CRTC1: variants seen among roughly 807,000 people sequenced by gnomAD.
CRTC1 encodes the protein CREB regulated transcription coactivator 1.
CRTC1 carries 18 observed loss-of-function variants against 66.1 expected under a neutral mutation model. The ratio of observed to expected loss-of-function variants is 0.27; its 90% CI spans 0.19 to 0.40. The LOEUF is 0.40. CRTC1 is among the 10% of genes least tolerant of loss of function. CRTC1 has a pLI of 1.00. For synonymous variants in CRTC1, 416 were observed against 398.8 expected, an observed-to-expected ratio of 1.04 and a Z score of -0.51; for missense variants, 669 against 887.9, an observed-to-expected ratio of 0.75 and a Z score of 3.13.
chr19:18,722,225 G>C (rs926934011), intron 1 of CRTC1, among the ~76,000 whole-genome samples: 1 of 152,206 alleles, frequency 6.6e-6, no homozygotes, highest in Non-Finnish European at 1.5e-5. Context: ...TTATCAACTT[G>C]TCTGGGGCCC....
intron 9 of CRTC1, among the ~76,000 whole-genome samples, chr19:18,767,806 G>A (rs1297164025): frequency 2.6e-5 from 4 of 152,180 alleles, no homozygotes; most frequent in Non-Finnish European, 4.4e-5. Flanking sequence ...CTCAGAGGCC[G>A]GGCATCCTGC....
rs117372971 is a variant in CRTC1 at position 18,760,347 on chromosome 19, G to C, written c.886+119G>C. On this transcript the variant is annotated intron_variant, in intron 8 of 13. Coordinates refer to ENST00000321949, the MANE Select transcript of CRTC1 (RefSeq NM_015321.3). The surrounding 1 kb of genome is among the most constrained non-coding windows in gnomAD (Gnocchi z 6.2). ...TACTAGGGCATGGGGGACAGGGCTGGGGGGCGGCCGACAGGCTGACCCAGC... is the reference window on the plus strand; with the variant it reads ...TACTAGGGCATGGGGGACAGGGCTGCGGGGCGGCCGACAGGCTGACCCAGC... The C allele has an allele frequency of 6.7e-4, 588 of 876,908 alleles. 11 individuals are homozygous for C. The East Asian group carries it at 0.014, about 21-fold the overall frequency. 54.3% of individuals were successfully genotyped at this position (876,908 alleles called of 1,614,324 possible).
chr19:18,688,201 GAGAAGTGGCTCAGCCACGTGCT>G (rs2052735306), intron 1 of CRTC1, among the ~76,000 whole-genome samples: 1 of 152,116 alleles, frequency 6.6e-6, no homozygotes, highest in South Asian at 2.1e-4. Flanking sequence ...CACGCTGGGA[GAGAAGTGGCTCAGCCACGTGCT>G]AGGAGTGGCT....
chr19:18,721,828 A>T (rs371978256), intron 1 of CRTC1, among the ~76,000 whole-genome samples: 1 of 152,200 alleles, frequency 6.6e-6, no homozygotes, highest in South Asian at 2.1e-4. Flanking sequence ...ATACAGTCAC[A>T]TTCATAGATG....
chr19:18,706,939 T>G (rs752859872), intron 1 of CRTC1, among the ~76,000 whole-genome samples: 6 of 152,192 alleles, frequency 3.9e-5, no homozygotes, highest in African/African-American at 1.2e-4. Context: ...TATTGATCCC[T>G]TATCATCTAT....
intron 1 of CRTC1, among the ~76,000 whole-genome samples, chr19:18,692,446 C>G (rs2052865258): frequency 6.6e-6 from 1 of 152,048 alleles, no homozygotes; most frequent in South Asian, 2.1e-4. Flanking sequence ...ACTAAAAATA[C>G]AAAAATTAGC....
chr19:18,722,374 A>G (rs1317515129), intron 1 of CRTC1, among the ~76,000 whole-genome samples: 2 of 152,158 alleles, frequency 1.3e-5, no homozygotes, highest in Non-Finnish European at 1.5e-5. Flanking sequence ...TAAGTCCTGG[A>G]ACGTGTGACT....
At position 18,771,079 on chromosome 19, in the gene CRTC1, C is replaced by CAT. The variant is rs1474741653; in HGVS notation, c.1321-362_1321-361insTA. Among the ~76,000 whole-genome samples, 2 of 150,882 alleles carry CAT rather than the reference C, an allele frequency of 1.3e-5. No individual in the cohort carries two copies. The highest frequency in any genetic ancestry group is 2.4e-5 in the African/African-American group (1 of 40,914). On this transcript the variant is annotated intron_variant, in intron 10 of 13. Transcript: ENST00000321949. The surrounding 1 kb of genome is among the most constrained non-coding windows in gnomAD (Gnocchi z 4.6). ...GTATATTCTAGTGTGGATATGTGTA[C>CAT]ACGTGGGTATGTCTGTGTGGGTGTG...
chr19:18,758,355 G>A (rs1454228823), intron 6 of CRTC1, among the ~76,000 whole-genome samples: 6 of 146,326 alleles, frequency 4.1e-5, no homozygotes, highest in African/African-American at 1.3e-4. Context: ...GTGAGACTCC[G>A]TCTCTAAAAA....
At chr19:18,719,791 G>A (rs2053583041) in intron 1 of CRTC1, among the ~76,000 whole-genome samples, 2 of 152,250 alleles carry the variant, frequency 1.3e-5, no homozygotes, top group African/African-American at 2.4e-5. Context: ...GCAGGGCTGG[G>A]CCTCCTCTGC....
intron 1 of CRTC1, among the ~76,000 whole-genome samples, chr19:18,702,178 C>T (rs1310800603): frequency 6.6e-6 from 1 of 151,846 alleles, no homozygotes; most frequent in African/African-American, 2.4e-5. Flanking sequence ...CCGCCTCAGC[C>T]TCCCAAAGTG....
At chr19:18,735,821 G>C (rs952569575) in intron 1 of CRTC1, among the ~76,000 whole-genome samples, 10 of 152,226 alleles carry the variant, frequency 6.6e-5, no homozygotes, top group African/African-American at 2.4e-4. Flanking sequence ...TCAGGCTGAA[G>C]CTCCCACAGT....
chr19:18,777,635 T>G lies in CRTC1; in HGVS notation c.*253T>G. On this transcript the variant is annotated 3_prime_UTR_variant, in exon 14 of 14. Transcript: ENST00000321949. This position sits in a 1 kb window ranked among gnomAD's most constrained non-coding sequence, Gnocchi z 5.5. ...TCGGAGGCCGTGAGCCTCCCGCCCC[T>G]GCAGACCCTCCCTGCACTGGCTCCC... is the stretch of plus-strand genomic sequence containing the variant. The G allele has an allele frequency of 2.2e-6, 1 of 450,042 alleles. No individual in the cohort carries two copies. The allele number at this position is 450,042 out of a possible 1,614,324, so 27.9% of individuals were successfully genotyped here.
chr19:18,753,139 C>T (rs1321092743), intron 5 of CRTC1, among the ~76,000 whole-genome samples: 10 of 151,902 alleles, frequency 6.6e-5, no homozygotes, highest in Admixed American at 4.6e-4. Context: ...AGCCTGGCAT[C>T]GTGGCGGGCA....
chr19:18,684,923 G>C (rs760929186), intron 1 of CRTC1, among the ~76,000 whole-genome samples: 1 of 152,172 alleles, frequency 6.6e-6, no homozygotes, highest in Non-Finnish European at 1.5e-5. Flanking sequence ...TCTTGGGGCA[G>C]GGTGGTGAGC....
intron 1 of CRTC1, among the ~76,000 whole-genome samples, chr19:18,738,430 G>A (rs1175812050): frequency 6.6e-6 from 1 of 152,182 alleles, no homozygotes; most frequent in Non-Finnish European, 1.5e-5. Flanking sequence ...TTGTCTCAGG[G>A]TCAACTGTAG....
intron 1 of CRTC1, among the ~76,000 whole-genome samples, chr19:18,702,817 A>G (rs975631375): frequency 3.3e-5 from 5 of 152,066 alleles, no homozygotes; most frequent in African/African-American, 1.2e-4. Context: ...TACACAGGAG[A>G]TAGTCTCTTA....
chr19:18,769,618 G>A (rs1021305935), intron 10 of CRTC1, among the ~76,000 whole-genome samples: 1 of 152,214 alleles, frequency 6.6e-6, no homozygotes, highest in Non-Finnish European at 1.5e-5. Flanking sequence ...ACGGCCCCTG[G>A]GTGGAAGAGT....
At chr19:18,707,843 A>G (rs1414871867) in intron 1 of CRTC1, among the ~76,000 whole-genome samples, 1 of 152,264 alleles carries the variant, frequency 6.6e-6, no homozygotes, top group African/African-American at 2.4e-5. Context: ...TAAAACAACA[A>G]CAACAAAAAG....
Sources: allele counts gnomAD v4.1 joint callset (sites outside exome capture counted in the v4.1 genomes callset), GRCh38; gene constraint gnomAD v4.1.1; non-coding constraint Gnocchi (gnomAD v3.1); transcripts MANE v1.5; gene names NCBI Gene and HGNC (gene_info 2026-07-23, HGNC 2026-07-21).